NAALADL2: variants seen among roughly 807,000 people sequenced by gnomAD.
The protein encoded by NAALADL2 is inactive N-acetylated-alpha-linked acidic dipeptidase-like protein 2.
A neutral mutation model predicts 87.2 loss-of-function variants in NAALADL2; 76 were observed. The ratio of observed to expected loss-of-function variants is 0.87; its 90% confidence interval spans 0.72 to 1.05. NAALADL2 has a LOEUF of 1.05. NAALADL2 is among the 50% of genes least tolerant of loss of function. The probability of loss-of-function intolerance (pLI) is 0.00; values close to 1 mark genes in which losing one functional copy is unlikely to be tolerated. For missense variants in NAALADL2, 1,089 were observed against 945.8 expected, an observed-to-expected ratio of 1.15 and a Z score of -1.99; for synonymous variants, 354 against 331.0, an observed-to-expected ratio of 1.07 and a Z score of -0.75.
intron 2 of NAALADL2, among the ~76,000 whole-genome samples, chr3:175,179,959 T>C (rs1736224142): frequency 6.6e-6 from 1 of 152,010 alleles, no homozygotes; most frequent in Admixed American, 6.6e-5. Flanking sequence ...CTGACAGCAC[T>C]AACTCAGATT....
At chr3:174,670,541 A>C (rs952384299) in intron 2 of NAALADL2, among the ~76,000 whole-genome samples, 1 of 152,042 alleles carries the variant, frequency 6.6e-6, no homozygotes, top group Non-Finnish European at 1.5e-5. Context: ...AGTACTAAAA[A>C]GGTTCCTGGT....
At chr3:174,689,788 T>C (rs1339732148) in intron 2 of NAALADL2, among the ~76,000 whole-genome samples, 1 of 152,084 alleles carries the variant, frequency 6.6e-6, no homozygotes, top group Non-Finnish European at 1.5e-5. Context: ...TTTTAGTATT[T>C]TGAAGTCAGG....
intron 9 of NAALADL2, among the ~76,000 whole-genome samples, chr3:175,565,224 G>A (rs994914188): frequency 1.3e-5 from 2 of 152,040 alleles, no homozygotes; most frequent in Non-Finnish European, 2.9e-5. Flanking sequence ...GTCTATAGGG[G>A]ATAACAAAAC....
At chr3:175,270,508 A>G (rs1752669924) in intron 4 of NAALADL2, among the ~76,000 whole-genome samples, 1 of 152,198 alleles carries the variant, frequency 6.6e-6, no homozygotes, top group Non-Finnish European at 1.5e-5. Flanking sequence ...ATTGCTGTTG[A>G]ATTTGTTCCC....
chr3:175,720,210 C>A (rs1742035518), intron 11 of NAALADL2, among the ~76,000 whole-genome samples: 1 of 152,062 alleles, frequency 6.6e-6, no homozygotes, highest in African/African-American at 2.4e-5. Flanking sequence ...CTGAACACAA[C>A]AATCGATGCT....
At chr3:175,588,087 T>TAAAAA (rs201465705) in intron 10 of NAALADL2, among the ~76,000 whole-genome samples, 6 of 135,214 alleles carry the variant, frequency 4.4e-5, no homozygotes, top group Non-Finnish European at 8.1e-5. Flanking sequence ...AACCTTGGGG[T>TAAAAA]AAAAAAAAAA....
chr3:175,372,147 T>C (rs1314613508), intron 5 of NAALADL2, among the ~76,000 whole-genome samples: 1 of 152,212 alleles, frequency 6.6e-6, no homozygotes, highest in African/African-American at 2.4e-5. Context: ...GTAGCTGGCG[T>C]GTTGCCCTGC....
intron 5 of NAALADL2, among the ~76,000 whole-genome samples, chr3:175,382,910 A>G (rs1443220315): frequency 1.3e-5 from 2 of 152,154 alleles, no homozygotes; most frequent in African/African-American, 4.8e-5. Context: ...AAAGATTTAC[A>G]CACTTGAGTT....
intron 2 of NAALADL2, among the ~76,000 whole-genome samples, chr3:175,204,938 G>A (rs1386943272): frequency 1.3e-5 from 2 of 151,998 alleles, no homozygotes; most frequent in South Asian, 4.1e-4. Flanking sequence ...ACAAAACACT[G>A]CTGAAAGAAA....
At chr3:175,660,922 A>G (rs1205921705) in intron 11 of NAALADL2, among the ~76,000 whole-genome samples, 3 of 152,050 alleles carry the variant, frequency 2.0e-5, no homozygotes, top group South Asian at 2.1e-4. Flanking sequence ...ACTTGATTCT[A>G]TATCTTGCCT....
chr3:174,980,098 A>G (rs529928577), intron 1 of NAALADL2, among the ~76,000 whole-genome samples: 5 of 152,098 alleles, frequency 3.3e-5, no homozygotes, highest in Non-Finnish European at 7.4e-5. Flanking sequence ...TTCTCCGTTT[A>G]CATGCTGCCT....
At chr3:175,597,914 C>A (rs1019437878) in intron 10 of NAALADL2, among the ~76,000 whole-genome samples, 1 of 151,904 alleles carries the variant, frequency 6.6e-6, no homozygotes, top group African/African-American at 2.4e-5. Flanking sequence ...ATGATATTTT[C>A]TCTGAAGAGC....
At chr3:175,492,111 A>G (rs1728182175) in intron 9 of NAALADL2, among the ~76,000 whole-genome samples, 2 of 152,194 alleles carry the variant, frequency 1.3e-5, no homozygotes, top group South Asian at 2.1e-4. Context: ...ATTTTTTCAA[A>G]AGAATTTCCA....
chr3:174,763,241 ATAAT>A (rs1349399023), intron 3 of NAALADL2, among the ~76,000 whole-genome samples: 1 of 152,184 alleles, frequency 6.6e-6, no homozygotes, highest in Non-Finnish European at 1.5e-5. Flanking sequence ...TATGAATATA[ATAAT>A]TAATATGATG....
At chr3:175,569,149 G>A (rs2149535386) in intron 9 of NAALADL2, among the ~76,000 whole-genome samples, 1 of 152,164 alleles carries the variant, frequency 6.6e-6, no homozygotes, top group African/African-American at 2.4e-5. Context: ...AGGATCTTTA[G>A]GTTCTTTTCT....
At chr3:174,478,156 TTG>T (rs1433186633) in intron 1 of NAALADL2, among the ~76,000 whole-genome samples, 1 of 151,788 alleles carries the variant, frequency 6.6e-6, no homozygotes, top group East Asian at 1.9e-4. Context: ...TACTGACTGG[TTG>T]TGTTTTTAGA....
chr3:175,013,072 A>T (rs1409985497), intron 1 of NAALADL2, among the ~76,000 whole-genome samples: 1 of 113,104 alleles, frequency 8.8e-6, no homozygotes, highest in Non-Finnish European at 1.7e-5. Flanking sequence ...CATATATATA[A>T]ATATGTAATA....
chr3:175,282,348 C>T (rs1414900700), intron 4 of NAALADL2, among the ~76,000 whole-genome samples: 1 of 151,986 alleles, frequency 6.6e-6, no homozygotes, highest in African/African-American at 2.4e-5. Context: ...TCTTTGTCTG[C>T]TTTAAAGAAC....
At chr3:174,913,412 G>C (rs940996398) in intron 1 of NAALADL2, among the ~76,000 whole-genome samples, 5 of 152,088 alleles carry the variant, frequency 3.3e-5, no homozygotes, top group African/African-American at 4.8e-5. Flanking sequence ...GAAAAACCGT[G>C]TTTACTGTTA....
Sources: allele counts gnomAD v4.1 joint callset (sites outside exome capture counted in the v4.1 genomes callset), GRCh38; gene constraint gnomAD v4.1.1; transcripts MANE v1.5; gene names NCBI Gene and HGNC (gene_info 2026-07-23, HGNC 2026-07-21).